The following FGGY variants were observed in gnomAD, a reference collection of about 807,000 sequenced individuals.
The protein encoded by FGGY is FGGY carbohydrate kinase domain containing.
FGGY carries 72 observed loss-of-function variants against 71.3 expected under a neutral mutation model. The ratio of observed to expected loss-of-function variants is 1.01; its 90% CI spans 0.84 to 1.23. FGGY has a LOEUF of 1.23. FGGY is among the 50% of genes most tolerant of loss of function. FGGY has a pLI of 0.00. For synonymous variants in FGGY, 251 were observed against 250.3 expected, an observed-to-expected ratio of 1.00 and a Z score of -0.02; for missense variants, 668 against 682.3, an observed-to-expected ratio of 0.98 and a Z score of 0.23.
rs1346198547 is a variant in FGGY at position 59,408,220 on chromosome 1, A to G, written c.554+29383A>G. On this transcript the variant is annotated intron_variant, in intron 5 of 15. Transcript: ENST00000303721. ...GCTGGAAAAATGGGACATTGCATAA[A>G]TAGCAGATAGCACAATTCCTGGCAC... 5.3e-5 allele frequency among the ~76,000 whole-genome samples: 8 copies of G among 152,318 alleles called. No individual in the cohort carries two copies. The East Asian group carries it at 7.7e-4, about 15-fold the overall frequency.
chr1:59,406,454 T>C (rs748078645), intron 5 of FGGY, among the ~76,000 whole-genome samples: 8 of 152,174 alleles, frequency 5.3e-5, no homozygotes, highest in Non-Finnish European at 1.2e-4. Flanking sequence ...TCAAGTACAG[T>C]GCAAGAAAGC....
At chr1:59,407,917 C>G (rs2063005658) in intron 5 of FGGY, among the ~76,000 whole-genome samples, 1 of 152,216 alleles carries the variant, frequency 6.6e-6, no homozygotes, top group Admixed American at 6.5e-5. Context: ...TGTTTTAACT[C>G]TTGGACCAAA....
intron 11 of FGGY, among the ~76,000 whole-genome samples, chr1:59,654,729 A>C (rs2097202490): frequency 6.6e-6 from 1 of 152,182 alleles, no homozygotes; most frequent in Non-Finnish European, 1.5e-5. Flanking sequence ...GGTGAAATGC[A>C]AATTGCTGGA....
intron 8 of FGGY, among the ~76,000 whole-genome samples, chr1:59,573,477 C>T (rs998342182): frequency 1.2e-4 from 18 of 151,722 alleles, no homozygotes; most frequent in African/African-American, 4.4e-4. Flanking sequence ...TATATATACA[C>T]ACATGTATGT....
intron 9 of FGGY, among the ~76,000 whole-genome samples, chr1:59,615,481 A>G (rs926092748): frequency 6.6e-6 from 1 of 152,222 alleles, no homozygotes; most frequent in Non-Finnish European, 1.5e-5. Flanking sequence ...CTTACACCCT[A>G]TACAAAAATT....
rs534249089 is a variant in FGGY, at chr1:59,709,241, A to G, written c.1512+35108A>G. ...AACTTACAATCATGGTGGAAGGTAAAGGGGAAGCAGGCACATTCTTCACAA... is the reference window on the plus strand; with the variant it reads ...AACTTACAATCATGGTGGAAGGTAAGGGGGAAGCAGGCACATTCTTCACAA... On this transcript the variant is annotated intron_variant, in intron 14 of 15. Coordinates refer to ENST00000303721, the MANE Select transcript of FGGY (RefSeq NM_018291.5). 7.2e-5 allele frequency among the ~76,000 whole-genome samples: 11 copies of G among 152,290 alleles called. No individual in the cohort carries two copies. The East Asian group carries it at 1.9e-3, about 27-fold the overall frequency.
chr1:59,595,377 A>G (rs1209295176), intron 8 of FGGY, among the ~76,000 whole-genome samples: 1 of 152,192 alleles, frequency 6.6e-6, no homozygotes, highest in Non-Finnish European at 1.5e-5. Context: ...TTATGAGCTA[A>G]ATATGTTACA....
At chr1:59,718,917 C>A (rs944332959) in intron 14 of FGGY, among the ~76,000 whole-genome samples, 3 of 152,208 alleles carry the variant, frequency 2.0e-5, no homozygotes, top group South Asian at 2.1e-4. Context: ...CTTCCTGACC[C>A]CCCTATAACT....
intron 4 of FGGY, among the ~76,000 whole-genome samples, chr1:59,362,057 C>T (rs2055658686): frequency 1.3e-5 from 2 of 152,208 alleles, no homozygotes; most frequent in Admixed American, 1.3e-4. Flanking sequence ...GATGCTTTGT[C>T]TTGCTGGGGA....
At chr1:59,669,327 C>A (rs904951614) in intron 13 of FGGY, among the ~76,000 whole-genome samples, 1 of 152,068 alleles carries the variant, frequency 6.6e-6, no homozygotes, top group African/African-American at 2.4e-5. Flanking sequence ...AAGTTTGTAA[C>A]CAGTTGATGA....
chr1:59,614,452 C>A (rs1020017334), intron 9 of FGGY, among the ~76,000 whole-genome samples: 9 of 151,998 alleles, frequency 5.9e-5, no homozygotes, highest in African/African-American at 9.7e-5. Flanking sequence ...TCAACAACCC[C>A]TCATGCTAAA....
chr1:59,499,941 A>G (rs2094173111), intron 6 of FGGY, among the ~76,000 whole-genome samples: 1 of 152,190 alleles, frequency 6.6e-6, no homozygotes, highest in Non-Finnish European at 1.5e-5. Flanking sequence ...GTAAATATAT[A>G]CATATATATG....
chr1:59,754,464 G>A (rs907556882), intron 14 of FGGY, among the ~76,000 whole-genome samples: 8 of 152,080 alleles, frequency 5.3e-5, no homozygotes, highest in African/African-American at 1.9e-4. Flanking sequence ...CTCCCAGGCT[G>A]GAGTGCTGGA....
In FGGY at chr1:59,626,008, C is replaced by A. The variant is rs767224434; in HGVS notation, c.1032C>A (p.Gly344=). ...TGKLIDHMVQ[G]HAAFPELQVK... The stretch of plus-strand genomic sequence containing the variant: ...TTCAGATAGACCACATGGTACAAGG[C>A]CATGCTGCTTTTCCAGAACTACAAG... Residue 344 remains glycine (G), a synonymous_variant, in exon 10 of 16, where the codon GGC becomes GGA. Transcript: ENST00000303721. 8.6e-5 allele frequency: 138 copies of A among 1,613,270 alleles called. No individual in the cohort carries two copies. In the Middle Eastern group the frequency reaches 1.2e-3, roughly 13 times the overall value.
chr1:59,607,095 T>C (rs1278471107), intron 8 of FGGY, among the ~76,000 whole-genome samples: 2 of 152,214 alleles, frequency 1.3e-5, no homozygotes, highest in African/African-American at 2.4e-5. Context: ...CAAACAACAG[T>C]AGACATTTAT....
intron 5 of FGGY, among the ~76,000 whole-genome samples, chr1:59,391,060 C>A (rs891937832): frequency 2.6e-5 from 4 of 152,134 alleles, no homozygotes; most frequent in African/African-American, 9.7e-5. Flanking sequence ...TAAGATAAAT[C>A]CGAACTCAGT....
At chr1:59,300,171 A>G (rs1035830860) in intron 1 of FGGY, among the ~76,000 whole-genome samples, 1 of 152,172 alleles carries the variant, frequency 6.6e-6, no homozygotes, top group African/African-American at 2.4e-5. Context: ...GAGAGTGTCT[A>G]ATTGGAGAAG....
intron 6 of FGGY, among the ~76,000 whole-genome samples, chr1:59,483,116 G>A (rs1351699160): frequency 6.6e-6 from 1 of 152,138 alleles, no homozygotes; most frequent in Non-Finnish European, 1.5e-5. Context: ...TCTTCCAGCT[G>A]TTACATCCTG....
intron 1 of FGGY, among the ~76,000 whole-genome samples, chr1:59,311,256 A>T (rs1570105785): frequency 1.3e-5 from 2 of 150,092 alleles, no homozygotes; most frequent in Non-Finnish European, 1.5e-5. Flanking sequence ...TTTTTTTTTT[A>T]AAGATTCTTT....
Sources: gnomAD v4.1 joint callset for allele counts (sites outside exome capture counted in the v4.1 genomes callset) on GRCh38, gnomAD v4.1.1 for gene constraint, MANE v1.5 for transcripts, NCBI Gene and HGNC (gene_info 2026-07-23, HGNC 2026-07-21) for gene names.